CMSS1: variants seen among roughly 807,000 people sequenced by gnomAD.
CMSS1 encodes the protein protein CMSS1.
In CMSS1, 33 loss-of-function variants were observed where a neutral mutation model predicts 43.5. The observed-to-expected ratio is 0.76, with a 90% CI of 0.57 to 1.01. The LOEUF (loss-of-function observed/expected upper bound fraction) is 1.01. Among genes scored for constraint, CMSS1 ranks in the 50% least tolerant of loss-of-function variants. The probability of loss-of-function intolerance (pLI) is 0.00; values close to 1 mark genes in which losing one functional copy is unlikely to be tolerated. For synonymous variants in CMSS1, 115 were observed against 117.2 expected, an observed-to-expected ratio of 0.98 and a Z score of 0.12; for missense variants, 313 against 326.4, an observed-to-expected ratio of 0.96 and a Z score of 0.32.
chr3:99,880,685 T>C (rs1372602654), intron 1 of CMSS1, among the ~76,000 whole-genome samples: 1 of 152,024 alleles, frequency 6.6e-6, no homozygotes, highest in Non-Finnish European at 1.5e-5. Flanking sequence ...TAAAATTAAT[T>C]TAAAATTTTT....
intron 1 of CMSS1, among the ~76,000 whole-genome samples, chr3:99,996,816 A>C (rs896490917): frequency 1.3e-5 from 2 of 152,050 alleles, no homozygotes; most frequent in East Asian, 1.9e-4. Flanking sequence ...ATTATCTCCC[A>C]CCGAGTCCCT....
intron 1 of CMSS1, among the ~76,000 whole-genome samples, chr3:100,046,294 C>T (rs1279888440): frequency 6.6e-6 from 1 of 152,126 alleles, no homozygotes; most frequent in Non-Finnish European, 1.5e-5. Context: ...ATAGTCCACT[C>T]CTCCTTATGC....
At chr3:100,051,894 A>G (rs981109237) in intron 1 of CMSS1, among the ~76,000 whole-genome samples, 9 of 148,542 alleles carry the variant, frequency 6.1e-5, no homozygotes, top group African/African-American at 2.0e-4. Context: ...TTTATATGTC[A>G]TATATTTATT....
intron 1 of CMSS1, among the ~76,000 whole-genome samples, chr3:100,102,230 C>A (rs796983327): frequency 4.0e-5 from 6 of 151,308 alleles, no homozygotes; most frequent in Admixed American, 6.6e-5. Flanking sequence ...AGTTTACAGT[C>A]CCATCAACAG....
intron 1 of CMSS1, among the ~76,000 whole-genome samples, chr3:100,009,686 C>G (rs2107189650): frequency 6.6e-6 from 1 of 152,298 alleles, no homozygotes; most frequent in East Asian, 1.9e-4. Context: ...GAGGAAATTA[C>G]AGTAGCACAT....
At chr3:99,863,334 G>C (rs982930197) in intron 1 of CMSS1, among the ~76,000 whole-genome samples, 1 of 152,172 alleles carries the variant, frequency 6.6e-6, no homozygotes, top group African/African-American at 2.4e-5. Flanking sequence ...CTCCTGCTAT[G>C]TGACCCGGTA....
intron 1 of CMSS1, among the ~76,000 whole-genome samples, chr3:100,012,886 A>G (rs1037717912): frequency 6.7e-6 from 1 of 150,262 alleles, no homozygotes; most frequent in African/African-American, 2.5e-5. Flanking sequence ...CAGTCCTCCC[A>G]TCTCAGCCTC....
intron 1 of CMSS1, among the ~76,000 whole-genome samples, chr3:99,943,938 T>A (rs1041047361): frequency 7.9e-5 from 12 of 152,274 alleles, no homozygotes; most frequent in African/African-American, 2.9e-4. Flanking sequence ...TTGGGAGGAT[T>A]AGAGATGACA....
intron 2 of CMSS1, among the ~76,000 whole-genome samples, chr3:100,158,179 T>A (rs2066992598): frequency 6.6e-6 from 1 of 152,234 alleles, no homozygotes; most frequent in African/African-American, 2.4e-5. Flanking sequence ...TTGAGGTCCA[T>A]TTGCCATGTG....
chr3:99,896,535 A>G (rs1706259025), intron 1 of CMSS1, among the ~76,000 whole-genome samples: 1 of 152,212 alleles, frequency 6.6e-6, no homozygotes, highest in Non-Finnish European at 1.5e-5. Flanking sequence ...CCAAAAGAGA[A>G]CGTAGTCAGG....
rs956420204 is a variant in CMSS1, at chr3:99,933,827, G to T, written c.64+115784G>T. 6.6e-5 allele frequency among the ~76,000 whole-genome samples: 10 copies of T among 152,252 alleles called. No homozygotes were observed. In the South Asian group the frequency reaches 8.3e-4, roughly 13 times the overall value. The stretch of plus-strand genomic sequence containing the variant: ...CTCCATACATAATGGGCATGCATTA[G>T]GGTGACTGGCTTGCTCCTTTTACTT... On this transcript the variant is annotated intron_variant, in intron 1 of 9. Transcript: ENST00000421999.
At chr3:100,000,000 A>C (rs1469272243) in intron 1 of CMSS1, among the ~76,000 whole-genome samples, 1 of 151,650 alleles carries the variant, frequency 6.6e-6, no homozygotes, top group Non-Finnish European at 1.5e-5. Flanking sequence ...ACAAAAAGAA[A>C]AGAAATACCA....
intron 1 of CMSS1, among the ~76,000 whole-genome samples, chr3:99,893,216 A>G (rs1240801584): frequency 1.5e-5 from 2 of 133,044 alleles, no homozygotes; most frequent in African/African-American, 5.8e-5. Flanking sequence ...CCCAGGCTGG[A>G]GTGCAGTGGC....
Position 100,041,868 on chromosome 3 carries a change from GA to G in CMSS1, c.65-105104del, listed in dbSNP as rs570511240. ...TCAACATGAAAGTATATCACATGCT[GA>G]CCCCAACTACAATTTGATTTAAAAA... is the stretch of plus-strand genomic sequence containing the variant. On this transcript the variant is annotated intron_variant, in intron 1 of 9. Transcript: ENST00000421999. Among the ~76,000 whole-genome samples, 632 of 152,118 alleles carry G rather than the reference GA, an allele frequency of 4.2e-3. 4 individuals carry two copies. Among genetic ancestry groups the G allele is most frequent in the African/African-American group, 0.015 (603 of 41,490 alleles).
chr3:99,906,920 T>A (rs943832118), intron 1 of CMSS1, among the ~76,000 whole-genome samples: 4 of 152,198 alleles, frequency 2.6e-5, no homozygotes, highest in African/African-American at 9.6e-5. Flanking sequence ...GTATTGATCA[T>A]GTGGATGAAG....
chr3:100,113,677 A>G (rs924741161), intron 1 of CMSS1, among the ~76,000 whole-genome samples: 6 of 152,214 alleles, frequency 3.9e-5, no homozygotes, highest in African/African-American at 1.4e-4. Flanking sequence ...TATATTGATC[A>G]TTCACATCAG....
Position 100,162,321 on chromosome 3 carries a change from C to T in CMSS1, c.244C>T (p.Leu82Phe). The change falls in exon 4 of 10, where the codon CTT becomes TTT. Residue 82 changes from leucine (L) to phenylalanine (F), a missense_variant. By Grantham distance (22) the Leu-to-Phe change is conservative (BLOSUM62 0). Transcript: ENST00000421999. ...KRRKKKITDV[L>F]AKSEPKPGLP... Reference sequence around the variant, plus strand: ...ATCTTAGAAGAAAATTACTGATGTTCTTGCAAAATCAGAACCAAAACCAGG... The same window carrying T: ...ATCTTAGAAGAAAATTACTGATGTTTTTGCAAAATCAGAACCAAAACCAGG... The T allele has an allele frequency of 6.2e-7, 1 of 1,609,254 alleles. No individual in the cohort carries two copies. The highest frequency in any genetic ancestry group is 8.5e-7 in the Non-Finnish European group (1 of 1,178,306).
chr3:100,143,376 C>G (rs1011343006), intron 1 of CMSS1, among the ~76,000 whole-genome samples: 1 of 152,200 alleles, frequency 6.6e-6, no homozygotes, highest in African/African-American at 2.4e-5. Flanking sequence ...TTTGGCCTTT[C>G]ATTATTAGCC....
chr3:99,985,783 T>G (rs1709322400), intron 1 of CMSS1, among the ~76,000 whole-genome samples: 1 of 152,148 alleles, frequency 6.6e-6, no homozygotes. Flanking sequence ...GAGATGGGGT[T>G]TCCCCATGTT....
Sources: gnomAD v4.1 joint callset for allele counts (sites outside exome capture counted in the v4.1 genomes callset) on GRCh38, gnomAD v4.1.1 for gene constraint, MANE v1.5 for transcripts, NCBI Gene and HGNC (gene_info 2026-07-23, HGNC 2026-07-21) for gene names.